CLCN4: variants seen among roughly 807,000 people sequenced by gnomAD.
CLCN4 encodes the protein H(+)/Cl(-) exchange transporter 4.
A neutral mutation model predicts 41.7 loss-of-function variants in CLCN4; 1 was observed. The observed-to-expected ratio is 0.02, with a 90% CI of 0.01 to 0.11. The LOEUF (loss-of-function observed/expected upper bound fraction) is 0.11. Among genes scored for constraint, CLCN4 ranks in the 10% least tolerant of loss-of-function variants. The pLI, the probability that CLCN4 is intolerant of heterozygous loss-of-function variation, is 1.00. For missense variants in CLCN4, 287 were observed against 661.0 expected (o/e 0.43, Z 6.20); for synonymous variants, 277 against 285.8 (o/e 0.97, Z 0.31).
chrX:10,158,392 C>G lies in CLCN4; in HGVS notation c.-171C>G, dbSNP rs7877167. ...CCCGGGACTTCCAGGGTCTTCCCCC[C>G]ACCCCGCGCACACCTCCCTGCCTCG... On this transcript the variant is annotated 5_prime_UTR_variant, in exon 2 of 13. Transcript: ENST00000380833. 19 of 296,208 alleles carry G rather than the reference C, an allele frequency of 6.4e-5. No individual in the cohort carries two copies. Among genetic ancestry groups the G allele is most frequent in the South Asian group, 4.0e-4 (2 of 4,992 alleles). The allele number at this position is 296,208 out of a possible 1,213,427, so 24.4% of individuals were successfully genotyped here. A position where few individuals can be genotyped will look rare whatever the true frequency, so the allele number is the denominator to read the frequency against.
chrX:10,185,769 C>T (rs1421185614), intron 3 of CLCN4, among the ~76,000 whole-genome samples: 1 of 111,126 alleles, frequency 9.0e-6, no homozygotes, highest in Non-Finnish European at 1.9e-5. Context: ...CAGGGAGCTC[C>T]GAGGATCTGG....
intron 2 of CLCN4, among the ~76,000 whole-genome samples, chrX:10,179,684 G>A (rs1923623002): frequency 9.0e-6 from 1 of 111,365 alleles, no homozygotes. Flanking sequence ...GAAACAAGGC[G>A]ACATGCAGGG....
intron 11 of CLCN4, among the ~76,000 whole-genome samples, chrX:10,216,897 G>GTATATATATA (rs1555977625): frequency 0.026 from 535 of 20,796 alleles, 51 homozygotes; most frequent in Middle Eastern, 0.059. Context: ...GTGTGTGTGT[G>GTATATATATA]TATATATATA....
intron 9 of CLCN4, among the ~76,000 whole-genome samples, chrX:10,212,218 C>T (rs1457326112): frequency 8.9e-6 from 1 of 112,114 alleles, no homozygotes; most frequent in Non-Finnish European, 1.9e-5. Flanking sequence ...GCAAACCCAG[C>T]CAGCTTTTGA....
At chrX:10,173,172 C>G (rs1435226175) in intron 2 of CLCN4, among the ~76,000 whole-genome samples, 2 of 111,497 alleles carry the variant, frequency 1.8e-5, no homozygotes, top group African/African-American at 3.3e-5. Context: ...CCTAGAGCCT[C>G]GTGTGGTGGT....
intron 6 of CLCN4, among the ~76,000 whole-genome samples, chrX:10,205,670 C>T (rs919254726): frequency 7.7e-5 from 8 of 103,359 alleles, no homozygotes; most frequent in South Asian, 4.6e-4. Context: ...TGTAGTGGCA[C>T]GATCACGGCT....
chrX:10,178,123 T>C (rs1192871629), intron 2 of CLCN4, among the ~76,000 whole-genome samples: 1 of 107,300 alleles, frequency 9.3e-6, no homozygotes, highest in Non-Finnish European at 1.9e-5. Flanking sequence ...AGTATATTAG[T>C]GGCTGCCTAG....
rs1925274212 is a variant in CLCN4, at chrX:10,237,209, C to T, written c.*3625C>T. On this transcript the variant is annotated 3_prime_UTR_variant, in exon 13 of 13. Coordinates refer to ENST00000380833, the MANE Select transcript of CLCN4 (RefSeq NM_001830.4). Reference sequence around the variant, plus strand: ...GGTGAGAACTGATTACTTTAAATTACCAACATGTGCAAATTCTACTTAGTA... The same window carrying T: ...GGTGAGAACTGATTACTTTAAATTATCAACATGTGCAAATTCTACTTAGTA... 1 of 112,229 alleles carries T rather than the reference C, an allele frequency of 8.9e-6. No homozygotes were observed. Among genetic ancestry groups the T allele is most frequent in the African/African-American group, 3.2e-5 (1 of 30,858 alleles). 9.2% of individuals were successfully genotyped at this position (112,229 alleles called of 1,213,427 possible).
At chrX:10,196,865 G>A (rs1309848779) in intron 5 of CLCN4, among the ~76,000 whole-genome samples, 1 of 112,036 alleles carries the variant, frequency 8.9e-6, no homozygotes, top group African/African-American at 3.2e-5. Flanking sequence ...ACTTTGATTC[G>A]AAGAATTACC....
intron 2 of CLCN4, among the ~76,000 whole-genome samples, chrX:10,169,497 A>G (rs193032934): frequency 2.0e-3 from 226 of 111,682 alleles, no homozygotes; most frequent in African/African-American, 7.1e-3. Context: ...AGATGAATTC[A>G]GAAAAACAAA....
chrX:10,221,156 G>A (rs1186399499), intron 12 of CLCN4, among the ~76,000 whole-genome samples: 1 of 111,159 alleles, frequency 9.0e-6, no homozygotes, highest in Admixed American at 9.5e-5. Context: ...GAAGGGCTTG[G>A]TGTTGCTTTT....
At chrX:10,229,008 G>A (rs1443566025) in intron 12 of CLCN4, among the ~76,000 whole-genome samples, 1 of 111,457 alleles carries the variant, frequency 9.0e-6, no homozygotes, top group Admixed American at 9.6e-5. Flanking sequence ...GTTCTACAGT[G>A]CACAGAATGG....
chrX:10,225,862 A>G (rs1429280219), intron 12 of CLCN4, among the ~76,000 whole-genome samples: 1 of 111,735 alleles, frequency 8.9e-6, no homozygotes, highest in African/African-American at 3.3e-5. Context: ...TCCTTTCCCC[A>G]TTGATTGTTA....
intron 4 of CLCN4, among the ~76,000 whole-genome samples, chrX:10,192,244 T>TAC (rs56033729): frequency 0.034 from 3,430 of 100,413 alleles, 49 homozygotes; most frequent in East Asian, 0.045. Context: ...CTAGTGGAAG[T>TAC]ACACACACAC....
intron 12 of CLCN4, among the ~76,000 whole-genome samples, chrX:10,226,581 C>A (rs1924995195): frequency 9.0e-6 from 1 of 111,064 alleles, no homozygotes; most frequent in African/African-American, 3.3e-5. Context: ...ACAAAAAACC[C>A]TTCGAAAAAT....
At chrX:10,191,907 C>G (rs374735253) in intron 4 of CLCN4, among the ~76,000 whole-genome samples, 3 of 109,849 alleles carry the variant, frequency 2.7e-5, no homozygotes, top group African/African-American at 1.0e-4. Flanking sequence ...TACACAAAGG[C>G]AGGGGCCTGG....
chrX:10,182,525 A>G (rs760752644), intron 2 of CLCN4, among the ~76,000 whole-genome samples: 1 of 112,705 alleles, frequency 8.9e-6, no homozygotes, highest in East Asian at 2.8e-4. Flanking sequence ...TCCCAGGTTC[A>G]AGTGATTCTC....
At chrX:10,213,490 T>C (rs1207394840) in intron 10 of CLCN4, among the ~76,000 whole-genome samples, 191 bp from the exon 11 acceptor site, 1 of 111,652 alleles carries the variant, frequency 9.0e-6, no homozygotes, top group Non-Finnish European at 1.9e-5. Context: ...AACTTCAGGC[T>C]CCCCAACGCA....
intron 2 of CLCN4, among the ~76,000 whole-genome samples, chrX:10,172,510 C>T (rs749560313): frequency 4.2e-4 from 47 of 111,536 alleles, no homozygotes; most frequent in African/African-American, 1.4e-3. Context: ...TAGGGTAGTT[C>T]GCATGCCTGG....
Sources: allele counts gnomAD v4.1 joint callset (sites outside exome capture counted in the v4.1 genomes callset), GRCh38; gene constraint gnomAD v4.1.1; transcripts MANE v1.5; gene names NCBI Gene and HGNC (gene_info 2026-07-23, HGNC 2026-07-21).